TSPAN15: variants seen among roughly 807,000 people sequenced by gnomAD.
TSPAN15 encodes tetraspanin-15.
In TSPAN15, 20 loss-of-function variants were observed where a neutral mutation model predicts 34.5. The ratio of observed to expected loss-of-function variants is 0.58; its 90% CI spans 0.41 to 0.84. The LOEUF is 0.84. Ranked by LOEUF, TSPAN15 falls within the 40% of genes least tolerant of loss-of-function variation. The pLI, the probability that TSPAN15 is intolerant of heterozygous loss-of-function variation, is 0.00. For synonymous variants in TSPAN15, 155 were observed against 153.9 expected (o/e 1.01, Z -0.05); for missense variants, 313 against 386.1 (o/e 0.81, Z 1.59).
intron 3 of TSPAN15, among the ~76,000 whole-genome samples, chr10:69,486,447 G>GT (rs887542269): frequency 6.6e-6 from 1 of 152,066 alleles, no homozygotes; most frequent in Non-Finnish European, 1.5e-5. Flanking sequence ...AATAATGTTT[G>GT]TTTATTTTTT....
intron 1 of TSPAN15, among the ~76,000 whole-genome samples, chr10:69,459,105 CA>C (rs1259881929): frequency 0.2 from 11,603 of 57,670 alleles, 524 homozygotes; most frequent in South Asian, 0.31. Flanking sequence ...ACAAAACAGA[CA>C]AAAAAAAAAA....
chr10:69,525,466 G>A, the TSPAN15 span, among the ~76,000 whole-genome samples: 15 of 125,298 alleles, frequency 1.2e-4, no homozygotes, highest in African/African-American at 4.5e-4. Context: ...TGGCAACATA[G>A]CAAGAACCTC....
intron 1 of TSPAN15, among the ~76,000 whole-genome samples, chr10:69,481,655 G>A (rs866830761): frequency 6.6e-6 from 1 of 152,208 alleles, no homozygotes; most frequent in Non-Finnish European, 1.5e-5. Flanking sequence ...GGCCTCCTCG[G>A]TGTTTTGCAT....
chr10:69,500,502 G>T (rs1355744108), intron 5 of TSPAN15, among the ~76,000 whole-genome samples: 1 of 152,220 alleles, frequency 6.6e-6, no homozygotes, highest in African/African-American at 2.4e-5. Flanking sequence ...GGGTGAGTCG[G>T]CAGGCTGGAG....
chr10:69,535,286 A>G, the TSPAN15 span, among the ~76,000 whole-genome samples: 594 of 152,304 alleles, frequency 3.9e-3, 2 homozygotes, highest in African/African-American at 0.014. Flanking sequence ...CACAAAGGTT[A>G]TGTCAAAAGG....
chr10:69,542,228 A>G, the TSPAN15 span, among the ~76,000 whole-genome samples: 1 of 152,150 alleles, frequency 6.6e-6, no homozygotes, highest in Non-Finnish European at 1.5e-5. Flanking sequence ...CCAGTTTCCA[A>G]CAAGTTCCTC....
intron 3 of TSPAN15, chr10:69,494,856 C>T (rs750030212): frequency 1.1e-4 from 108 of 985,526 alleles, no homozygotes; most frequent in Non-Finnish European, 1.3e-4. Context: ...GCCCCCGCCC[C>T]TTCCCACTGT....
intron 3 of TSPAN15, among the ~76,000 whole-genome samples, chr10:69,490,832 TTG>T (rs1342214487): frequency 6.6e-6 from 1 of 152,266 alleles, no homozygotes; most frequent in Non-Finnish European, 1.5e-5. Context: ...TTTTTTACTG[TTG>T]TGTTATTTTT....
intron 1 of TSPAN15, among the ~76,000 whole-genome samples, chr10:69,478,646 C>T (rs1023665793): frequency 1.1e-4 from 16 of 152,020 alleles, no homozygotes; most frequent in Admixed American, 1.0e-3. Context: ...TGGGGAAGCC[C>T]GTGGATCGAT....
chr10:69,505,400 G>C (rs982884844), intron 6 of TSPAN15, among the ~76,000 whole-genome samples: 1 of 152,168 alleles, frequency 6.6e-6, no homozygotes, highest in Non-Finnish European at 1.5e-5. Flanking sequence ...TGGGCATTGT[G>C]TTGGCGACTC....
chr10:69,499,355 G>A (rs1045748171), intron 5 of TSPAN15, among the ~76,000 whole-genome samples: 1 of 152,210 alleles, frequency 6.6e-6, no homozygotes, highest in Non-Finnish European at 1.5e-5. Flanking sequence ...AAAAGGCCGG[G>A]CCAGGAGGGA....
chr10:69,539,533 AAGAAGG>A, the TSPAN15 span, among the ~76,000 whole-genome samples: 8 of 48,282 alleles, frequency 1.7e-4, no homozygotes, highest in Non-Finnish European at 2.8e-4. Context: ...GAAGAAGAAG[AAGAAGG>A]AGAAGGAGAA....
intron 1 of TSPAN15, among the ~76,000 whole-genome samples, chr10:69,476,133 G>A (rs1471758562): frequency 6.6e-6 from 1 of 152,022 alleles, no homozygotes; most frequent in Admixed American, 6.6e-5. Context: ...AAATGTGTAT[G>A]GAAGATTCGA....
intron 1 of TSPAN15, among the ~76,000 whole-genome samples, chr10:69,459,922 C>CA (rs556777490): frequency 7.8e-6 from 1 of 128,360 alleles, no homozygotes; most frequent in Admixed American, 7.7e-5. Flanking sequence ...CTCTAGGCAC[C>CA]CCCCCCCCAC....
At position 69,485,181 on chromosome 10, in the gene TSPAN15, T is replaced by C. The variant is rs990160572; in HGVS notation, c.323T>C (p.Ile108Thr). 2 of 1,614,094 alleles carry C rather than the reference T, an allele frequency of 1.2e-6. No individual in the cohort carries two copies. The highest frequency in any genetic ancestry group is 2.7e-5 in the African/African-American group (2 of 75,024). ...GGGATCTGCCTCATCATGGAGCTCA[T>C]TGGTGGCGTGGTGGCCTTGACCTTC... Reference protein sequence around the residue: ...ILGICLIMELIGGVVALTFRN... With the variant: ...ILGICLIMELTGGVVALTFRN... The change falls in exon 3 of 8, where the codon ATT (isoleucine) becomes ACT (threonine). Residue 108 changes from isoleucine (I) to threonine (T), a missense_variant. By Grantham distance (89) the Ile-to-Thr change is moderately conservative. Coordinates refer to ENST00000373290, the MANE Select transcript of TSPAN15 (RefSeq NM_012339.5).
chr10:69,493,464 C>T (rs996881436), intron 3 of TSPAN15, among the ~76,000 whole-genome samples: 15 of 146,938 alleles, frequency 1.0e-4, no homozygotes, highest in Non-Finnish European at 2.1e-4. Flanking sequence ...TCTCCGAGCC[C>T]ATCTCCTTTT....
At chr10:69,503,682 A>G (rs1842257695) in intron 5 of TSPAN15, among the ~76,000 whole-genome samples, 1 of 152,102 alleles carries the variant, frequency 6.6e-6, no homozygotes, top group African/African-American at 2.4e-5. Context: ...ACTTACATGT[A>G]GAGCAGCGGG....
chr10:69,505,002 A>G (rs1383766688), intron 6 of TSPAN15, among the ~76,000 whole-genome samples: 3 of 152,198 alleles, frequency 2.0e-5, no homozygotes, highest in Non-Finnish European at 4.4e-5. Context: ...CCAGTCCAGC[A>G]GCAACAGCAT....
chr10:69,482,036 T>C (rs530908502), intron 1 of TSPAN15, among the ~76,000 whole-genome samples: 11 of 149,426 alleles, frequency 7.4e-5, no homozygotes, highest in African/African-American at 2.7e-4. Flanking sequence ...AAATCCCTCC[T>C]GGAGCTTATG....
Sources: allele counts gnomAD v4.1 joint callset (sites outside exome capture counted in the v4.1 genomes callset), GRCh38; gene constraint gnomAD v4.1.1; transcripts MANE v1.5; gene names NCBI Gene and HGNC (gene_info 2026-07-23, HGNC 2026-07-21).